The following AGBL1 variants were observed in gnomAD, a reference collection of about 807,000 sequenced individuals.
The protein encoded by AGBL1 is cytosolic carboxypeptidase 4.
A neutral mutation model predicts 118.9 loss-of-function variants in AGBL1; 130 were observed. The ratio of observed to expected loss-of-function variants is 1.09; its 90% CI spans 0.95 to 1.26. AGBL1 has a LOEUF of 1.26. AGBL1 is among the 50% of genes most tolerant of loss of function. The pLI is 0.00. For synonymous variants in AGBL1, 555 were observed against 478.9 expected, an observed-to-expected ratio of 1.16 and a Z score of -2.08; for missense variants, 1,584 against 1,298.1, an observed-to-expected ratio of 1.22 and a Z score of -3.38.
At chr15:86,994,087 CT>C (rs1221296566) in intron 24 of AGBL1, among the ~76,000 whole-genome samples, 2 of 152,110 alleles carry the variant, frequency 1.3e-5, no homozygotes, top group African/African-American at 2.4e-5. Context: ...AAGAACTCAA[CT>C]TCAGTCCTAT....
downstream of AGBL1, among the ~76,000 whole-genome samples, chr15:86,919,863 G>C (rs958712071): frequency 4.6e-5 from 7 of 152,162 alleles, no homozygotes; most frequent in African/African-American, 1.7e-4. Flanking sequence ...TGGAGTCCCA[G>C]TGGGGCTGAA....
At chr15:86,603,904 C>T (rs2084534589) in intron 21 of AGBL1, among the ~76,000 whole-genome samples, 1 of 151,840 alleles carries the variant, frequency 6.6e-6, no homozygotes. Flanking sequence ...CTTTCTTTTC[C>T]AAGACGAAGG....
At chr15:86,724,649 C>G (rs2086791875) in intron 22 of AGBL1, among the ~76,000 whole-genome samples, 2 of 152,090 alleles carry the variant, frequency 1.3e-5, no homozygotes, top group South Asian at 4.1e-4. Context: ...TTTGTTCCCT[C>G]CAAATCTCAT....
chr15:86,891,038 G>A (rs1013783115), intron 22 of AGBL1, among the ~76,000 whole-genome samples: 2 of 152,134 alleles, frequency 1.3e-5, no homozygotes, highest in African/African-American at 2.4e-5. Flanking sequence ...AACATGAAAT[G>A]TTTTTTCATT....
In AGBL1 at chr15:86,080,014, C is replaced by T; in HGVS notation, c.42C>T (p.His14=). ...CTAGTGGGCTACAGGTCCTGCTGCA[C>T]ACGCTTCAGGTAGGAAAGGGTAGAG... ...QEASGLQVLL[H]TLQSSSDKES... Residue 14 remains histidine, a synonymous_variant, in exon 1 of 23, where the codon CAC becomes CAT. Coordinates refer to ENST00000614907, the MANE Select transcript of AGBL1 (RefSeq NM_001386094.1). The T allele has an allele frequency of 3.2e-6, 4 of 1,232,250 alleles. No homozygotes were observed. Among genetic ancestry groups the T allele is most frequent in the Non-Finnish European group, 4.0e-6 (4 of 988,066 alleles). The allele number at this position is 1,232,250 out of a possible 1,614,324, so 76.3% of individuals were successfully genotyped here. A position where few individuals can be genotyped will look rare whatever the true frequency, so the allele number is the denominator to read the frequency against.
chr15:86,795,885 C>A (rs188999158), intron 22 of AGBL1, among the ~76,000 whole-genome samples: 1 of 151,410 alleles, frequency 6.6e-6, no homozygotes, highest in Non-Finnish European at 1.5e-5. Context: ...CCTGCCTGGC[C>A]GGTTTCTGCT....
intron 18 of AGBL1, among the ~76,000 whole-genome samples, chr15:86,512,062 A>G (rs2083058632): frequency 6.6e-6 from 1 of 151,968 alleles, no homozygotes; most frequent in Non-Finnish European, 1.5e-5. Flanking sequence ...TCATGTGAAT[A>G]TACGTTTATG....
chr15:86,690,921 C>G (rs141173676), intron 22 of AGBL1, among the ~76,000 whole-genome samples: 24 of 152,134 alleles, frequency 1.6e-4, no homozygotes, highest in African/African-American at 5.8e-4. Flanking sequence ...TTTATGAATT[C>G]TATTGTTCAT....
At chr15:86,822,320 T>G (rs2078952769) in intron 22 of AGBL1, among the ~76,000 whole-genome samples, 1 of 152,184 alleles carries the variant, frequency 6.6e-6, no homozygotes, top group African/African-American at 2.4e-5. Flanking sequence ...CATTAACCCC[T>G]TCTCAAATTC....
intron 24 of AGBL1, among the ~76,000 whole-genome samples, chr15:86,999,469 G>T (rs1363195877): frequency 1.4e-5 from 2 of 146,928 alleles, no homozygotes; most frequent in East Asian, 3.9e-4. Context: ...AGAATATGCG[G>T]TGTTTGGTTT....
At chr15:86,866,361 C>A (rs141541667) in intron 22 of AGBL1, among the ~76,000 whole-genome samples, 3 of 152,136 alleles carry the variant, frequency 2.0e-5, no homozygotes, top group African/African-American at 7.2e-5. Context: ...TACTTCATGT[C>A]GCTATGGCAT....
chr15:86,877,549 G>A (rs1159680787), intron 22 of AGBL1, among the ~76,000 whole-genome samples: 1 of 152,132 alleles, frequency 6.6e-6, no homozygotes, highest in African/African-American at 2.4e-5. Context: ...GAAGGGATAA[G>A]TAGAAGGTAA....
At position 86,733,090 on chromosome 15, in the gene AGBL1, T is replaced by C. The variant is rs114135734; in HGVS notation, c.3158+58654T>C. On this transcript the variant is annotated intron_variant, in intron 22 of 22. Coordinates refer to ENST00000614907, the MANE Select transcript of AGBL1 (RefSeq NM_001386094.1). ...CATATTATATATAAATATATATATCTTATACATAGGGATTTATCATGGGAA... is the reference window on the plus strand; with the variant it reads ...CATATTATATATAAATATATATATCCTATACATAGGGATTTATCATGGGAA... Among the ~76,000 whole-genome samples, 918 of 149,466 alleles carry C rather than the reference T, an allele frequency of 6.1e-3. 11 individuals are homozygous for C. Among genetic ancestry groups the C allele is most frequent in the African/African-American group, 0.021 (870 of 41,054 alleles).
chr15:86,943,276 T>C (rs1318044514), intron 23 of AGBL1, among the ~76,000 whole-genome samples: 1 of 152,226 alleles, frequency 6.6e-6, no homozygotes, highest in Non-Finnish European at 1.5e-5. Flanking sequence ...ATGGCAATTC[T>C]ACTGGAAACT....
chr15:86,703,409 T>C (rs2086394028), intron 22 of AGBL1, among the ~76,000 whole-genome samples: 1 of 152,198 alleles, frequency 6.6e-6, no homozygotes, highest in African/African-American at 2.4e-5. Context: ...TTGTTTACAT[T>C]GTTTATGTTT....
chr15:86,357,704 G>A (rs1468519907), intron 17 of AGBL1, among the ~76,000 whole-genome samples: 1 of 151,982 alleles, frequency 6.6e-6, no homozygotes, highest in Non-Finnish European at 1.5e-5. Flanking sequence ...AACATAGCGT[G>A]CTTCTTTACT....
chr15:86,568,190 C>G (rs755386539), intron 21 of AGBL1, among the ~76,000 whole-genome samples: 1 of 152,100 alleles, frequency 6.6e-6, no homozygotes, highest in Non-Finnish European at 1.5e-5. Context: ...CTGGGACACT[C>G]CCAGGTCAGG....
chr15:86,817,239 C>A (rs1175790666), intron 22 of AGBL1, among the ~76,000 whole-genome samples: 1 of 150,130 alleles, frequency 6.7e-6, no homozygotes, highest in Non-Finnish European at 1.5e-5. Flanking sequence ...TTGCAGTGAC[C>A]CAAGATAGTG....
At chr15:86,649,619 T>C (rs1402770588) in intron 21 of AGBL1, among the ~76,000 whole-genome samples, 1 of 152,070 alleles carries the variant, frequency 6.6e-6, no homozygotes, top group Non-Finnish European at 1.5e-5. Flanking sequence ...CAGTCCAAAT[T>C]CTGCATAAGA....
Sources: gnomAD v4.1 joint callset for allele counts (sites outside exome capture counted in the v4.1 genomes callset) on GRCh38, gnomAD v4.1.1 for gene constraint, MANE v1.5 for transcripts, NCBI Gene and HGNC (gene_info 2026-07-23, HGNC 2026-07-21) for gene names.